PIGN: variants seen among roughly 807,000 people sequenced by gnomAD.
PIGN encodes the protein phosphatidylinositol glycan anchor biosynthesis class N.
A neutral mutation model predicts 125.4 loss-of-function variants in PIGN; 117 were observed. The ratio of observed to expected loss-of-function variants is 0.93; its 90% CI spans 0.80 to 1.09. PIGN has a LOEUF of 1.09. Among genes scored for constraint, PIGN ranks in the 50% least tolerant of loss-of-function variants. PIGN has a pLI of 0.00. For synonymous variants in PIGN, 392 were observed against 377.8 expected, an observed-to-expected ratio of 1.04 and a Z score of -0.44; for missense variants, 1,075 against 1,094.9, an observed-to-expected ratio of 0.98 and a Z score of 0.26.
intron 11 of PIGN, among the ~76,000 whole-genome samples, chr18:62,142,333 CAG>C (rs1398751957): frequency 6.6e-6 from 1 of 152,206 alleles, no homozygotes; most frequent in Non-Finnish European, 1.5e-5. Flanking sequence ...ACTGACAATT[CAG>C]AGAGCAATAA....
chr18:62,117,822 TCTTTCTGTGGCGGCCTTATTTCA>T (rs1319846267), intron 14 of PIGN, among the ~76,000 whole-genome samples: 21 of 152,252 alleles, frequency 1.4e-4, no homozygotes, highest in African/African-American at 4.8e-4. Flanking sequence ...GTAAAATTCG[TCTTTCTGTGGCGGCCTTATTTCA>T]CTTAACATAA....
At chr18:62,040,044 C>A (rs1433027695), downstream of PIGN, among the ~76,000 whole-genome samples, 1 of 113,582 alleles carries the variant, frequency 8.8e-6, no homozygotes, top group Non-Finnish European at 1.8e-5. Context: ...GGGCCCCATC[C>A]AGAGTGCCGC....
intron 16 of PIGN, among the ~76,000 whole-genome samples, chr18:62,112,057 A>G (rs1414670638): frequency 6.6e-6 from 1 of 152,170 alleles, no homozygotes; most frequent in African/African-American, 2.4e-5. Flanking sequence ...GTGGCCTTTA[A>G]TAAGTAACTT....
intron 20 of PIGN, among the ~76,000 whole-genome samples, chr18:62,103,253 T>C (rs1004527765): frequency 3.3e-5 from 5 of 152,198 alleles, no homozygotes; most frequent in African/African-American, 1.2e-4. Context: ...TACAAAAATT[T>C]ACAATATAAA....
chr18:62,059,952 A>G (rs963351297), intron 30 of PIGN, among the ~76,000 whole-genome samples: 151 of 152,348 alleles, frequency 9.9e-4, no homozygotes, highest in African/African-American at 3.6e-3. Context: ...CTAAACAAAA[A>G]CGGTTTGTAA....
chr18:62,084,461 T>A, intron 27 of PIGN, 70 bp downstream of exon 27: 1 of 986,104 alleles, frequency 1.0e-6, no homozygotes, highest in Non-Finnish European at 1.5e-6. Context: ...GCTACTTAAC[T>A]CTGTCTAAAT....
rs117893533 is a variant in PIGN, at chr18:62,046,452, G to A, written c.2673-473C>T. On this transcript the variant is annotated intron_variant, in intron 30 of 30. Transcript: ENST00000640252. ...CAGCATTAGATTCTCAGAGGAGCAC[G>A]AACCCTGTCGTGAACTGTGCTTGCA... Among the ~76,000 whole-genome samples the A allele has an allele frequency of 9.5e-3, 1,432 of 151,422 alleles. 60 individuals carry two copies. The highest frequency in any genetic ancestry group is 0.067 in the East Asian group (338 of 5,078).
At chr18:62,147,621 T>TG (rs1434790042) in intron 8 of PIGN, among the ~76,000 whole-genome samples, 2 of 152,258 alleles carry the variant, frequency 1.3e-5, no homozygotes, top group Non-Finnish European at 2.9e-5. Context: ...TATTCATCAC[T>TG]GGCAGCTAAC....
In PIGN at chr18:62,145,302, A is replaced by G. The variant is rs956414705; in HGVS notation, c.922+607T>C. Among the ~76,000 whole-genome samples the G allele has an allele frequency of 2.0e-5, 3 of 152,118 alleles. No homozygotes were observed. The South Asian group carries it at 6.2e-4, about 32-fold the overall frequency. On this transcript the variant is annotated intron_variant, in intron 10 of 30. Coordinates refer to ENST00000640252, the MANE Select transcript of PIGN (RefSeq NM_176787.5). The stretch of plus-strand genomic sequence containing the variant: ...CCTTTTGTCAATGTCTCCCCTGTGG[A>G]CCTATGATGTGGCATGATGCTCTCC...
intron 30 of PIGN, among the ~76,000 whole-genome samples, chr18:62,048,914 C>T (rs1406281024): frequency 6.9e-6 from 1 of 145,564 alleles, no homozygotes; most frequent in African/African-American, 2.5e-5. Context: ...CATGTGTTCT[C>T]ATTGTTCAAT....
At chr18:62,082,918 G>A (rs187463803) in intron 27 of PIGN, among the ~76,000 whole-genome samples, 172 bp from the exon 28 acceptor site, 8 of 152,178 alleles carry the variant, frequency 5.3e-5, no homozygotes, top group East Asian at 1.9e-4. Context: ...CACATAGAAC[G>A]GTGATGAAAC....
At chr18:62,127,052 C>T (rs979991368) in intron 14 of PIGN, among the ~76,000 whole-genome samples, 2 of 152,140 alleles carry the variant, frequency 1.3e-5, no homozygotes, top group Admixed American at 1.3e-4. Context: ...TAAATCTTAC[C>T]CTGGTTAGTG....
rs77000930 is a variant in PIGN at position 62,106,549 on chromosome 18, A to C, written c.1767+240T>G. Among the ~76,000 whole-genome samples the C allele has an allele frequency of 2.6e-5, 4 of 152,326 alleles. No homozygotes were observed. In the East Asian group the frequency reaches 7.7e-4, roughly 29 times the overall value. On this transcript the variant is annotated intron_variant, in intron 19 of 30. Transcript: ENST00000640252. ...TCCAGGAAATGCTTCAGAGATGGAC[A>C]TATCAGTACAACTTATATAGCATTT...
intron 15 of PIGN, among the ~76,000 whole-genome samples, chr18:62,113,865 A>G (rs2034980695): frequency 6.6e-6 from 1 of 152,200 alleles, no homozygotes; most frequent in South Asian, 2.1e-4. Flanking sequence ...TTTAACAAAG[A>G]AAAATTAATG....
chr18:62,045,644 G>T lies in PIGN; in HGVS notation c.*212C>A. ...GAATGCCTTCCTATGCTTTTCCACAGATATAATCACTATTTCATGCCTGCA... is the reference window on the plus strand; with the variant it reads ...GAATGCCTTCCTATGCTTTTCCACATATATAATCACTATTTCATGCCTGCA... On this transcript the variant is annotated 3_prime_UTR_variant, in exon 31 of 31. Coordinates refer to ENST00000640252, the MANE Select transcript of PIGN (RefSeq NM_176787.5). 1 of 446,180 alleles carries T rather than the reference G, an allele frequency of 2.2e-6. No individual in the cohort carries two copies. Among genetic ancestry groups the T allele is most frequent in the South Asian group, 3.5e-5 (1 of 28,958 alleles). The allele number at this position is 446,180 out of a possible 1,614,324, so 27.6% of individuals were successfully genotyped here.
intron 14 of PIGN, among the ~76,000 whole-genome samples, chr18:62,117,658 T>C (rs972921142): frequency 6.6e-6 from 1 of 152,150 alleles, no homozygotes; most frequent in African/African-American, 2.4e-5. Context: ...ATGTTTGAAA[T>C]ATTTTATAAA....
intron 19 of PIGN, 25 bp downstream of exon 19, chr18:62,106,764 C>T (rs925972382): frequency 4.7e-6 from 7 of 1,482,882 alleles, no homozygotes; most frequent in East Asian, 2.3e-5. Context: ...ACTAATCTGT[C>T]CTATGTCAAA....
chr18:62,102,736 A>G (rs1568177044), intron 21 of PIGN, 58 bp downstream of exon 21: 1 of 766,060 alleles, frequency 1.3e-6, no homozygotes, highest in African/African-American at 1.8e-5. Flanking sequence ...AAATATAACC[A>G]TAAGACACAT....
At chr18:62,082,856 T>G (rs938868134) in intron 27 of PIGN, 110 bp from the exon 28 acceptor site, 1 of 644,536 alleles carries the variant, frequency 1.6e-6, no homozygotes, top group Admixed American at 2.6e-5. Flanking sequence ...CAAGTAACTT[T>G]TATATATACT....
Sources: allele counts gnomAD v4.1 joint callset (sites outside exome capture counted in the v4.1 genomes callset), GRCh38; gene constraint gnomAD v4.1.1; transcripts MANE v1.5; gene names NCBI Gene and HGNC (gene_info 2026-07-23, HGNC 2026-07-21).